LRRC45: variants seen among roughly 807,000 people sequenced by gnomAD.
LRRC45 encodes leucine rich repeat containing 45.
Under a neutral mutation model 85.4 loss-of-function variants are expected in LRRC45, and 73 were observed. The ratio of observed to expected loss-of-function variants is 0.85; its 90% CI spans 0.71 to 1.04. LRRC45 has a LOEUF of 1.04. Among genes scored for constraint, LRRC45 ranks in the 50% least tolerant of loss-of-function variants. The pLI, the probability that LRRC45 is intolerant of heterozygous loss-of-function variation, is 0.00. For synonymous variants in LRRC45, 429 were observed against 386.0 expected, an observed-to-expected ratio of 1.11 and a Z score of -1.31; for missense variants, 937 against 883.3, an observed-to-expected ratio of 1.06 and a Z score of -0.77.
At chr17:82,024,612 T>C in intron 2 of LRRC45, 81 bp from the exon 3 acceptor site, 1 of 1,470,758 alleles carries the variant, frequency 6.8e-7, no homozygotes, top group Non-Finnish European at 9.2e-7. Flanking sequence ...GTCCCCTGGC[T>C]GACCAAGGCC....
chr17:82,024,555 CAG>C, intron 2 of LRRC45, 136 bp from the exon 3 acceptor site: 6 of 1,102,344 alleles, frequency 5.4e-6, no homozygotes, highest in Non-Finnish European at 7.8e-6. Flanking sequence ...CCCCTGAAGA[CAG>C]GGAGCCCAGG....
At position 82,023,613 on chromosome 17, in the gene LRRC45, T is replaced by C. The variant is rs1011258756; in HGVS notation, c.-31T>C. 72 of 1,495,632 alleles carry C rather than the reference T, an allele frequency of 4.8e-5. No individual in the cohort carries two copies. Among genetic ancestry groups the C allele is most frequent in the Non-Finnish European group, 5.8e-5 (65 of 1,123,898 alleles). The allele number at this position is 1,495,632 out of a possible 1,614,324, so 92.6% of individuals were successfully genotyped here. ...CTCCCTTTCAGCAGCTGCGGGAGCA[T>C]GCGGAGGAGGCCCTGCCGGCCCCGC... On this transcript the variant is annotated 5_prime_UTR_variant, in exon 1 of 17. The change abolishes an upstream ATG in the 5' untranslated region. Transcript: ENST00000306688.
Position 82,024,102 on chromosome 17 carries a change from A to G in LRRC45, c.221-176A>G, listed in dbSNP as rs138752243. On this transcript the variant is annotated intron_variant, in intron 1 of 16. Coordinates refer to ENST00000306688, the MANE Select transcript of LRRC45 (RefSeq NM_144999.4). ...GTGCAGAGCCGGCTTGGTGCCTGGC[A>G]GGGGCTGCAGGTGTTTCAAACATGA... 96 of 791,096 alleles carry G rather than the reference A, an allele frequency of 1.2e-4. No homozygotes were observed. The African/African-American group carries it at 1.5e-3, about 13-fold the overall frequency. 49.0% of individuals were successfully genotyped at this position (791,096 alleles called of 1,614,324 possible).
Position 82,029,632 on chromosome 17 carries a change from G to A in LRRC45, c.1491G>A (p.Glu497=), listed in dbSNP as rs2043399599. The change falls in exon 14 of 17, where the codon GAG becomes GAA. Residue 497 remains glutamate (E), a synonymous_variant. Coordinates refer to ENST00000306688, the MANE Select transcript of LRRC45 (RefSeq NM_144999.4). Reference sequence around the variant, plus strand: ...AGGCCAAGAGCCAGGCCCGCCTGGAGGAGGTGAGCCACACATGTCCGCCAC... The same window carrying A: ...AGGCCAAGAGCCAGGCCCGCCTGGAAGAGGTGAGCCACACATGTCCGCCAC... ...LIKAKSQARL[E]EQQRLAHLED... is the part of the protein sequence containing the mutation. The A allele has an allele frequency of 1.3e-6, 2 of 1,567,904 alleles. No homozygotes were observed. Among genetic ancestry groups the A allele is most frequent in the Middle Eastern group, 2.0e-4 (1 of 5,112 alleles).
intron 16 of LRRC45, 56 bp from the exon 17 acceptor site, chr17:82,030,553 G>A (rs2043409945): frequency 6.7e-7 from 1 of 1,484,030 alleles, no homozygotes; most frequent in Non-Finnish European, 8.9e-7. Flanking sequence ...CCCGTGCTGA[G>A]GCCGTGCCAC....
Position 82,029,033 on chromosome 17 carries a change from G to A in LRRC45, c.1309-60G>A, listed in dbSNP as rs745834824. 1.7e-5 allele frequency: 25 copies of A among 1,497,348 alleles called. No individual in the cohort carries two copies. The Middle Eastern group carries it at 6.9e-4, about 41-fold the overall frequency. The allele number at this position is 1,497,348 out of a possible 1,614,324, so 92.8% of individuals were successfully genotyped here. A position where few individuals can be genotyped will look rare whatever the true frequency, so the allele number is the denominator to read the frequency against. ...CTGCCTTTCAGGGTGGGGAGTCCGT[G>A]AGGAGAAGGTAGGGAGGCCCGCTCT... On this transcript the variant is annotated intron_variant, in intron 12 of 16. Coordinates refer to ENST00000306688, the MANE Select transcript of LRRC45 (RefSeq NM_144999.4).
At chr17:82,029,268 G>A (rs1313288685) in intron 13 of LRRC45, 83 bp downstream of exon 13, 4 of 1,311,354 alleles carry the variant, frequency 3.1e-6, no homozygotes, top group Non-Finnish European at 4.2e-6. Context: ...GCCGCCTCAG[G>A]ACCAGAGACC....
intron 14 of LRRC45, 131 bp from the exon 15 acceptor site, chr17:82,029,934 G>T: frequency 8.5e-7 from 1 of 1,181,912 alleles, no homozygotes; most frequent in Admixed American, 2.8e-5. Context: ...GCTGCCAGGG[G>T]AGCGGGTTCA....
In LRRC45 at chr17:82,024,719, C is replaced by G. The variant is rs201106510; in HGVS notation, c.309C>G (p.Ala103=). The G allele has an allele frequency of 2.0e-5, 32 of 1,577,440 alleles. No individual in the cohort carries two copies. The highest frequency in any genetic ancestry group is 9.8e-5 in the Admixed American group (5 of 51,244). Residue 103 remains alanine, a synonymous_variant, in exon 3 of 17, where the codon GCC becomes GCG. Transcript: ENST00000306688. ...GCAACAACCTTCGGGCTGCAGGGGC[C>G]GAGGCTCTGGGAAAACTCCTCCAAC... ...LKGNNLRAAG[A]EALGKLLQQN...
At chr17:82,029,248 C>A (rs1010439704) in intron 13 of LRRC45, 63 bp downstream of exon 13, 3 of 1,501,028 alleles carry the variant, frequency 2.0e-6, no homozygotes, top group African/African-American at 2.8e-5. Context: ...GGCAGGGGCC[C>A]CTGGTGTTCG....
chr17:82,030,526 C>A lies in LRRC45; in HGVS notation c.1816+60C>A. On this transcript the variant is annotated intron_variant, in intron 16 of 16. Coordinates refer to ENST00000306688, the MANE Select transcript of LRRC45 (RefSeq NM_144999.4). ...GTGGGACGTGAGGCCAGCCAGAGAGCGGGGCTGGCCAGGTCTCCCGTGCTG... is the reference window on the plus strand; with the variant it reads ...GTGGGACGTGAGGCCAGCCAGAGAGAGGGGCTGGCCAGGTCTCCCGTGCTG... 2.0e-6 allele frequency: 3 copies of A among 1,512,734 alleles called. No homozygotes were observed. The South Asian group carries it at 3.7e-5, about 19-fold the overall frequency. 93.7% of individuals were successfully genotyped at this position (1,512,734 alleles called of 1,614,324 possible). A position where few individuals can be genotyped will look rare whatever the true frequency, so the allele number is the denominator to read the frequency against.
In LRRC45 at chr17:82,025,145, G is replaced by A; in HGVS notation, c.499G>A (p.Ala167Thr). 1.9e-6 allele frequency: 3 copies of A among 1,606,810 alleles called. No homozygotes were observed. The highest frequency in any genetic ancestry group is 2.6e-6 in the Non-Finnish European group (3 of 1,176,300). Reference sequence around the variant, plus strand: ...CAAGGGCGCGGAGGAGCTGGCCCTAGCCCTGAAGGGCAACACCACCCTCCA... The same window carrying A: ...CAAGGGCGCGGAGGAGCTGGCCCTAACCCTGAAGGGCAACACCACCCTCCA... The part of the protein sequence containing the change: ...SHKGAEELAL[A>T]LKGNTTLQQL... Residue 167 changes from alanine (A) to threonine (T), a missense_variant, in exon 4 of 17, where the codon GCC becomes ACC. Coordinates refer to ENST00000306688, the MANE Select transcript of LRRC45 (RefSeq NM_144999.4).
In LRRC45 at chr17:82,023,399, C is replaced by T; in HGVS notation, c.-245C>T. ...GGGCTGGGTGGGGGCGCGCGACGCA[C>T]CTGCCTGCTTCCTGCACGGGTGGTC... On this transcript the variant is annotated 5_prime_UTR_variant, in exon 1 of 17. Transcript: ENST00000306688. The T allele has an allele frequency of 2.0e-6, 1 of 508,094 alleles. No individual in the cohort carries two copies. 31.5% of individuals were successfully genotyped at this position (508,094 alleles called of 1,614,324 possible). A position where few individuals can be genotyped will look rare whatever the true frequency, so the allele number is the denominator to read the frequency against.
At chr17:82,024,480 C>T (rs904811288) in intron 2 of LRRC45, 141 bp downstream of exon 2, 2 of 1,069,456 alleles carry the variant, frequency 1.9e-6, no homozygotes, top group African/African-American at 3.2e-5. Context: ...TCTCTGATGG[C>T]CTCCTGTGTG....
At position 82,030,847 on chromosome 17, in the gene LRRC45, C is replaced by A; in HGVS notation, c.*42C>A. ...CCGGGCGCAGTAGGAGTGCATCAGG[C>A]GGCGCCCGAGATGGACCAGGGGCTG... On this transcript the variant is annotated 3_prime_UTR_variant, in exon 17 of 17. Coordinates refer to ENST00000306688, the MANE Select transcript of LRRC45 (RefSeq NM_144999.4). The A allele has an allele frequency of 7.7e-7, 1 of 1,290,656 alleles. No individual in the cohort carries two copies. The highest frequency in any genetic ancestry group is 1.0e-6 in the Non-Finnish European group (1 of 1,004,094). 80.0% of individuals were successfully genotyped at this position (1,290,656 alleles called of 1,614,324 possible).
intron 7 of LRRC45, 98 bp from the exon 8 acceptor site, chr17:82,027,576 A>G (rs2043379553): frequency 6.5e-7 from 1 of 1,539,050 alleles, no homozygotes; most frequent in Non-Finnish European, 8.9e-7. Context: ...CCAGGCGACC[A>G]TAGATGCTTA....
At chr17:82,026,349 CAT>C (rs1417513653) in intron 5 of LRRC45, among the ~76,000 whole-genome samples, 1 of 152,218 alleles carries the variant, frequency 6.6e-6, no homozygotes, top group African/African-American at 2.4e-5. Context: ...CTCTGCCCCA[CAT>C]GTGCACGCGC....
chr17:82,028,017 G>A lies in LRRC45; in HGVS notation c.918G>A (p.Gln306=), dbSNP rs2043383814. The A allele has an allele frequency of 6.2e-7, 1 of 1,602,750 alleles. No individual in the cohort carries two copies. The highest frequency in any genetic ancestry group is 2.2e-5 in the East Asian group (1 of 44,748). Residue 306 remains glutamine (Q), a synonymous_variant, in exon 9 of 17, where the codon CAG becomes CAA. Transcript: ENST00000306688. ...CTGCCCCTCCTTTCTGCAGGCTGCA[G>A]ATGACAGAGGCCGCCCTGGCTCTGT... is the stretch of plus-strand genomic sequence containing the variant. The part of the protein sequence containing the change: ...SIINALKAKL[Q]MTEAALALSE...
At chr17:82,026,803 C>T in intron 5 of LRRC45, 96 bp from the exon 6 acceptor site, 1 of 923,004 alleles carries the variant, frequency 1.1e-6, no homozygotes, top group Non-Finnish European at 1.7e-6. Context: ...TGGTCTCGAA[C>T]CCCTGACCTC....
Sources: gnomAD v4.1 joint callset for allele counts (sites outside exome capture counted in the v4.1 genomes callset) on GRCh38, gnomAD v4.1.1 for gene constraint, MANE v1.5 for transcripts, NCBI Gene and HGNC (gene_info 2026-07-23, HGNC 2026-07-21) for gene names.